The following ACSL5 variants were observed in gnomAD, a reference collection of about 807,000 sequenced individuals.
ACSL5 encodes long-chain-fatty-acid--CoA ligase 5.
A neutral mutation model predicts 84.9 loss-of-function variants in ACSL5; 50 were observed. That is an observed-to-expected ratio of 0.59 (90% CI 0.47 to 0.75). ACSL5 has a LOEUF of 0.75. Ranked by LOEUF, ACSL5 falls within the 30% of genes least tolerant of loss-of-function variation. The pLI, the probability that ACSL5 is intolerant of heterozygous loss-of-function variation, is 0.00. For missense variants in ACSL5, 775 were observed against 830.4 expected (o/e 0.93, Z 0.82); for synonymous variants, 280 against 300.7 (o/e 0.93, Z 0.71).
chr10:112,409,785 G>T (rs112894487), intron 7 of ACSL5, 100 bp downstream of exon 7: 1 of 1,235,200 alleles, frequency 8.1e-7, no homozygotes, highest in African/African-American at 1.5e-5. Flanking sequence ...TGTTCTCCAG[G>T]GGTGGCACGT....
chr10:112,398,978 T>C lies in ACSL5; in HGVS notation c.234T>C (p.Tyr78=). 6.2e-7 allele frequency: 1 copy of C among 1,614,068 alleles called. No individual in the cohort carries two copies. Among genetic ancestry groups the C allele is most frequent in the Non-Finnish European group, 8.5e-7 (1 of 1,179,968 alleles). Residue 78 remains tyrosine, a synonymous_variant, in exon 3 of 21, where the codon TAT becomes TAC. Coordinates refer to ENST00000354655, the MANE Select transcript of ACSL5 (RefSeq NM_203379.2). The part of the protein sequence containing the change: ...SCCFSDAKTM[Y]EVFQRGLAVS... ...GCTTCTCAGATGCCAAGACTATGTA[T>C]GAGGTTTTCCAAAGAGGACTCGCTG...
In ACSL5 at chr10:112,426,281, T is replaced by C; in HGVS notation, c.1761T>C (p.Val587=). ...AGTCATCCTTAGTAGGAGTGGTGGT[T>C]CCTGACACAGATGTACTTCCCTCAT... The part of the protein sequence containing the change: ...SLRSSLVGVV[V]PDTDVLPSFA... Residue 587 remains valine, a synonymous_variant, in exon 19 of 21, where the codon GTT becomes GTC. Coordinates refer to ENST00000354655, the MANE Select transcript of ACSL5 (RefSeq NM_203379.2). 1 of 1,614,178 alleles carries C rather than the reference T, an allele frequency of 6.2e-7. No homozygotes were observed. Among genetic ancestry groups the C allele is most frequent in the Non-Finnish European group, 8.5e-7 (1 of 1,179,994 alleles).
intron 3 of ACSL5, among the ~76,000 whole-genome samples, chr10:112,401,786 C>CTCTT (rs1178224793): frequency 0.025 from 2,997 of 119,150 alleles, 60 homozygotes; most frequent in Non-Finnish European, 0.032. Flanking sequence ...TTCTTTCTTT[C>CTCTT]TCTTTCTTTC....
chr10:112,408,911 C>A (rs17129769), intron 6 of ACSL5: 4,961 of 175,446 alleles, frequency 0.028, 125 homozygotes, highest in East Asian at 0.12. Flanking sequence ...CCAGCATGTA[C>A]CAATGTCCAT....
chr10:112,428,310 A>T lies in ACSL5; in HGVS notation c.*952A>T. The T allele has an allele frequency of 5.1e-6, 2 of 395,782 alleles. No homozygotes were observed. The highest frequency in any genetic ancestry group is 8.9e-6 in the Non-Finnish European group (2 of 224,362). The allele number at this position is 395,782 out of a possible 1,614,324, so 24.5% of individuals were successfully genotyped here. On this transcript the variant is annotated 3_prime_UTR_variant, in exon 21 of 21. Coordinates refer to ENST00000354655, the MANE Select transcript of ACSL5 (RefSeq NM_203379.2). The stretch of plus-strand genomic sequence containing the variant: ...TGGATTAGAGTTCCTGCTCTACCTT[A>T]CCCACAGATAACACATGTTGTTTCT...
chr10:112,384,150 C>T (rs1426248871), intron 1 of ACSL5, among the ~76,000 whole-genome samples: 3 of 152,108 alleles, frequency 2.0e-5, no homozygotes, highest in Non-Finnish European at 2.9e-5. Context: ...CACACCACTG[C>T]ATTCCAGCCT....
At chr10:112,416,238 A>G (rs552406381) in intron 12 of ACSL5, among the ~76,000 whole-genome samples, 4 of 151,980 alleles carry the variant, frequency 2.6e-5, no homozygotes, top group South Asian at 2.1e-4. Flanking sequence ...TTGGGAGGCC[A>G]AGGCGGGCAG....
intron 11 of ACSL5, 136 bp downstream of exon 11, chr10:112,412,115 G>C (rs1297716039): frequency 1.2e-6 from 1 of 865,372 alleles, no homozygotes; most frequent in Non-Finnish European, 1.9e-6. Flanking sequence ...GTTGGCTCAT[G>C]GGAGCCCTAA....
chr10:112,398,097 G>A lies in ACSL5; in HGVS notation c.157-804G>A, dbSNP rs76578197. The stretch of plus-strand genomic sequence containing the variant: ...TTTTTTTTTTTTGAGACGGAGTCTC[G>A]CTCTGTCGCCCAGGCTGGAGTGCAG... On this transcript the variant is annotated intron_variant, in intron 2 of 20. Coordinates refer to ENST00000354655, the MANE Select transcript of ACSL5 (RefSeq NM_203379.2). 1.0e-3 allele frequency among the ~76,000 whole-genome samples: 2 copies of A among 1,954 alleles called. 1 individual carries two copies. Among genetic ancestry groups the A allele is most frequent in the African/African-American group, 2.3e-3 (2 of 864 alleles). The allele number at this position is 1,954 out of a possible 152,430, so 1.3% of individuals were successfully genotyped here.
intron 5 of ACSL5, among the ~76,000 whole-genome samples, chr10:112,406,875 C>A (rs567498280): frequency 6.6e-6 from 1 of 152,072 alleles, no homozygotes; most frequent in Non-Finnish European, 1.5e-5. Flanking sequence ...CTCACTGTCA[C>A]GAGAACAATG....
intron 11 of ACSL5, 68 bp from the exon 12 acceptor site, chr10:112,413,105 C>T: frequency 6.4e-7 from 1 of 1,565,684 alleles, no homozygotes; most frequent in Non-Finnish European, 8.7e-7. Context: ...TCCTGAATTC[C>T]TTCCAAGACA....
chr10:112,399,176 C>T (rs1017134641), intron 3 of ACSL5, among the ~76,000 whole-genome samples, 167 bp downstream of exon 3: 6 of 152,260 alleles, frequency 3.9e-5, no homozygotes, highest in Admixed American at 3.3e-4. Context: ...TTAGGATGGG[C>T]GTTGGAACCA....
At chr10:112,415,090 T>C (rs919998455) in intron 12 of ACSL5, among the ~76,000 whole-genome samples, 2 of 152,252 alleles carry the variant, frequency 1.3e-5, no homozygotes, top group African/African-American at 2.4e-5. Flanking sequence ...GTGGTTGTTA[T>C]GGTTTTTGTT....
intron 14 of ACSL5, among the ~76,000 whole-genome samples, chr10:112,420,967 C>T (rs1481576486): frequency 2.6e-5 from 4 of 152,006 alleles, no homozygotes; most frequent in Admixed American, 2.6e-4. Context: ...GGTGATCCTC[C>T]CGCCTTGGCT....
chr10:112,403,413 A>G (rs1355234048), intron 3 of ACSL5, among the ~76,000 whole-genome samples: 1 of 152,178 alleles, frequency 6.6e-6, no homozygotes, highest in Admixed American at 6.5e-5. Flanking sequence ...CAGCCTCCCC[A>G]GTAGCTGGAA....
chr10:112,424,133 T>A (rs963943812), intron 17 of ACSL5, among the ~76,000 whole-genome samples: 1 of 152,272 alleles, frequency 6.6e-6, no homozygotes, highest in African/African-American at 2.4e-5. Flanking sequence ...GGCTAGTGTT[T>A]GTCTCTCATT....
At chr10:112,401,847 CCTTCCTTCCTTT>C (rs1238249279) in intron 3 of ACSL5, among the ~76,000 whole-genome samples, 222 of 80,060 alleles carry the variant, frequency 2.8e-3, no homozygotes, top group Non-Finnish European at 4.2e-3. Context: ...TTTCTTCCTT[CCTTCCTTCCTTT>C]CTTTCTTTCT....
chr10:112,391,625 G>T (rs187165493), intron 1 of ACSL5, among the ~76,000 whole-genome samples: 1 of 152,162 alleles, frequency 6.6e-6, no homozygotes, highest in Non-Finnish European at 1.5e-5. Context: ...CGTTCTGTTT[G>T]TGGGCAATAT....
chr10:112,386,622 A>G (rs960862084), intron 1 of ACSL5, among the ~76,000 whole-genome samples: 21 of 152,102 alleles, frequency 1.4e-4, no homozygotes, highest in Admixed American at 3.3e-4. Context: ...TTCTGGATGT[A>G]CTTTAGAATT....
Sources: gnomAD v4.1 joint callset for allele counts (sites outside exome capture counted in the v4.1 genomes callset) on GRCh38, gnomAD v4.1.1 for gene constraint, MANE v1.5 for transcripts, NCBI Gene and HGNC (gene_info 2026-07-23, HGNC 2026-07-21) for gene names.